SLC12A5: variants seen among roughly 807,000 people sequenced by gnomAD.
SLC12A5 encodes solute carrier family 12 member 5.
In SLC12A5, 18 loss-of-function variants were observed where a neutral mutation model predicts 124.0. That is an observed-to-expected ratio of 0.15 (90% CI 0.10 to 0.22). The LOEUF (loss-of-function observed/expected upper bound fraction) is 0.22. SLC12A5 is among the 10% of genes least tolerant of loss of function. The pLI, the probability that SLC12A5 is intolerant of heterozygous loss-of-function variation, is 1.00. For missense variants in SLC12A5, 867 were observed against 1,478.7 expected, an observed-to-expected ratio of 0.59 and a Z score of 6.78; for synonymous variants, 589 against 568.0, an observed-to-expected ratio of 1.04 and a Z score of -0.53.
At chr20:46,051,933 C>G (rs2084650604) in intron 18 of SLC12A5, 63 bp downstream of exon 18, 1 of 1,334,298 alleles carries the variant, frequency 7.5e-7, no homozygotes, top group Admixed American at 2.6e-5. Context: ...AGGGGTGGAA[C>G]TGGATTTCCG....
In SLC12A5 at chr20:46,057,368, T is replaced by C; in HGVS notation, c.3259+65T>C. 1 of 1,611,622 alleles carries C rather than the reference T, an allele frequency of 6.2e-7. No homozygotes were observed. Among genetic ancestry groups the C allele is most frequent in the Non-Finnish European group, 8.5e-7 (1 of 1,177,788 alleles). On this transcript the variant is annotated intron_variant, in intron 25 of 25. Coordinates refer to ENST00000243964, the MANE Select transcript of SLC12A5 (RefSeq NM_020708.5). This position sits in a 1 kb window ranked among gnomAD's most constrained non-coding sequence, Gnocchi z 7.1. Reference sequence around the variant, plus strand: ...CGTCAGGGAATCTGGGTCCTGTCCCTGGGATGGAAGAGCTGAGCTGTTCCT... The same window carrying C: ...CGTCAGGGAATCTGGGTCCTGTCCCCGGGATGGAAGAGCTGAGCTGTTCCT...
intron 1 of SLC12A5, chr20:46,022,570 G>C: frequency 2.9e-6 from 1 of 345,830 alleles, no homozygotes; most frequent in Non-Finnish European, 5.2e-6. Flanking sequence ...GGAGACGGGA[G>C]GCAGGGAAGT....
upstream of SLC12A5, among the ~76,000 whole-genome samples, chr20:46,028,135 G>A (rs116296454): frequency 2.6e-3 from 401 of 152,310 alleles, 5 homozygotes; most frequent in African/African-American, 9.4e-3. Context: ...GCTTCTGGGG[G>A]ATTGGCCTAA....
At chr20:46,046,159 C>T (rs1378915206) in intron 13 of SLC12A5, among the ~76,000 whole-genome samples, 163 bp downstream of exon 13, 11 of 152,242 alleles carry the variant, frequency 7.2e-5, no homozygotes, top group East Asian at 1.9e-4. Flanking sequence ...TTCATCCACA[C>T]GTGTTATTAG....
In SLC12A5 at chr20:46,058,415, G is replaced by A. The variant is rs558132074; in HGVS notation, c.*810G>A. On this transcript the variant is annotated 3_prime_UTR_variant, in exon 26 of 26. Transcript: ENST00000243964. This position sits in a 1 kb window ranked among gnomAD's most constrained non-coding sequence, Gnocchi z 5.8. ...CTCCAGTCCTTTTCCGAGATGAGGT[G>A]AGACAAGGGTCCAACTTTTCCTGGA... The A allele has an allele frequency of 5.0e-6, 2 of 398,834 alleles. No homozygotes were observed. Among genetic ancestry groups the A allele is most frequent in the African/African-American group, 4.1e-5 (2 of 48,626 alleles). The allele number at this position is 398,834 out of a possible 1,614,324, so 24.7% of individuals were successfully genotyped here.
intron 2 of SLC12A5, 145 bp downstream of exon 2, chr20:46,035,187 C>T (rs960805948): frequency 9.9e-7 from 1 of 1,012,090 alleles, no homozygotes; most frequent in East Asian, 2.4e-5. Context: ...CCCCATCCCT[C>T]CTTCTCCCTC....
chr20:46,058,504 C>G lies in SLC12A5; in HGVS notation c.*899C>G, dbSNP rs2084718132. 2 of 399,062 alleles carry G rather than the reference C, an allele frequency of 5.0e-6. No homozygotes were observed. The highest frequency in any genetic ancestry group is 4.1e-5 in the African/African-American group (2 of 48,630). 24.7% of individuals were successfully genotyped at this position (399,062 alleles called of 1,614,324 possible). ...AGAGACGCGAGCAACCTCTTCTCATCGGCTCTTATGCAAGTTGGGGCCAGG... is the reference window on the plus strand; with the variant it reads ...AGAGACGCGAGCAACCTCTTCTCATGGGCTCTTATGCAAGTTGGGGCCAGG... On this transcript the variant is annotated 3_prime_UTR_variant, in exon 26 of 26. Coordinates refer to ENST00000243964, the MANE Select transcript of SLC12A5 (RefSeq NM_020708.5). The surrounding 1 kb of genome is among the most constrained non-coding windows in gnomAD (Gnocchi z 5.8).
chr20:46,029,854 G>A (rs912905932), intron 1 of SLC12A5, among the ~76,000 whole-genome samples: 4 of 133,418 alleles, frequency 3.0e-5, no homozygotes, highest in African/African-American at 1.2e-4. Context: ...GGGGGAAGAG[G>A]TGGCTGTGTG....
Position 46,058,703 on chromosome 20 carries a change from G to T in SLC12A5, c.*1098G>T. On this transcript the variant is annotated 3_prime_UTR_variant, in exon 26 of 26. Transcript: ENST00000243964. The surrounding 1 kb of genome is among the most constrained non-coding windows in gnomAD (Gnocchi z 5.8). Reference sequence around the variant, plus strand: ...GACTGAAATTGTGGAGCTGGAGGGCGCCCCCTCCCCGGAGTTTCCTCCCTG... The same window carrying T: ...GACTGAAATTGTGGAGCTGGAGGGCTCCCCCTCCCCGGAGTTTCCTCCCTG... 2.5e-6 allele frequency: 1 copy of T among 399,044 alleles called. No homozygotes were observed. Among genetic ancestry groups the T allele is most frequent in the Non-Finnish European group, 4.4e-6 (1 of 226,100 alleles). The allele number at this position is 399,044 out of a possible 1,614,324, so 24.7% of individuals were successfully genotyped here.
At chr20:46,041,234 C>T (rs2084544230) in intron 7 of SLC12A5, 95 bp from the exon 8 acceptor site, 3 of 1,006,350 alleles carry the variant, frequency 3.0e-6, no homozygotes, top group Non-Finnish European at 3.0e-6. Context: ...GGGGACCTGG[C>T]GTCCGTGTGT....
At chr20:46,026,065 C>A (rs954516937), upstream of SLC12A5, among the ~76,000 whole-genome samples, 64 of 152,324 alleles carry the variant, frequency 4.2e-4, no homozygotes, top group African/African-American at 1.4e-3. Context: ...GGGTTCTAGT[C>A]CCTAGTCTGT....
chr20:46,052,924 TC>T (rs1285429270), intron 18 of SLC12A5, 32 bp from the exon 19 acceptor site: 1 of 1,576,438 alleles, frequency 6.3e-7, no homozygotes, highest in Admixed American at 1.7e-5. Context: ...AGTCACTGTT[TC>T]CCCCTCTGGC....
chr20:46,046,003 G>T lies in SLC12A5; in HGVS notation c.1688+7G>T. On this transcript the variant is annotated splice_region_variant and intron_variant, in intron 13 of 25. Coordinates refer to ENST00000243964, the MANE Select transcript of SLC12A5 (RefSeq NM_020708.5). ...TGGCCCCCATCCTCTCTATGTGCGTGCCTGACTTCTTGCCCTCCCCCCTGG... is the reference window on the plus strand; with the variant it reads ...TGGCCCCCATCCTCTCTATGTGCGTTCCTGACTTCTTGCCCTCCCCCCTGG... 1 of 1,612,382 alleles carries T rather than the reference G, an allele frequency of 6.2e-7. No individual in the cohort carries two copies. The highest frequency in any genetic ancestry group is 8.5e-7 in the Non-Finnish European group (1 of 1,178,502).
At chr20:46,049,595 G>A in intron 16 of SLC12A5, 27 bp from the exon 17 acceptor site, 1 of 1,584,208 alleles carries the variant, frequency 6.3e-7, no homozygotes, top group South Asian at 1.2e-5. Flanking sequence ...ATGGTATATG[G>A]ATTATGTGAC....
At chr20:46,022,202 A>G (rs2084362021) in intron 1 of SLC12A5, 1 of 266,050 alleles carries the variant, frequency 3.8e-6, no homozygotes, top group Non-Finnish European at 7.2e-6. Flanking sequence ...GGTGGAGAGT[A>G]GGCCGTAGGG....
chr20:46,053,135 T>A lies in SLC12A5; in HGVS notation c.2547+9T>A. On this transcript the variant is annotated intron_variant, in intron 19 of 25. Transcript: ENST00000243964. The surrounding 1 kb of genome is among the most constrained non-coding windows in gnomAD (Gnocchi z 4.7). ...TGCTGCGGCACCACAAGGTGAGTTG[T>A]GTGCGTGAGTGTATGCACGTGTGAG... 1.2e-6 allele frequency: 2 copies of A among 1,605,208 alleles called. No homozygotes were observed. Among genetic ancestry groups the A allele is most frequent in the South Asian group, 2.2e-5 (2 of 90,908 alleles).
intron 7 of SLC12A5, 106 bp from the exon 8 acceptor site, chr20:46,041,223 T>C: frequency 1.1e-6 from 1 of 902,670 alleles, no homozygotes; most frequent in Non-Finnish European, 1.7e-6. Context: ...ACTCTGGATA[T>C]GGGGACCTGG....
rs984579043 is a variant in SLC12A5 at position 46,058,753 on chromosome 20, G to A, written c.*1148G>A. The A allele has an allele frequency of 4.3e-5, 17 of 398,686 alleles. No individual in the cohort carries two copies. Among genetic ancestry groups the A allele is most frequent in the Non-Finnish European group, 6.6e-5 (15 of 226,116 alleles). 24.7% of individuals were successfully genotyped at this position (398,686 alleles called of 1,614,324 possible). ...GGGACAAGTGAGGGAGGAGGGGGCC[G>A]ATTCTGGTTTAGGGGCCGGACCCAC... On this transcript the variant is annotated 3_prime_UTR_variant, in exon 26 of 26. Transcript: ENST00000243964. The surrounding 1 kb of genome is among the most constrained non-coding windows in gnomAD (Gnocchi z 5.8).
At chr20:46,049,934 T>A in intron 17 of SLC12A5, 144 bp downstream of exon 17, 1 of 1,099,292 alleles carries the variant, frequency 9.1e-7, no homozygotes, top group Non-Finnish European at 1.3e-6. Flanking sequence ...AGGAAGAGCC[T>A]AAGAGCCTAG....
Sources: gnomAD v4.1 joint callset for allele counts (sites outside exome capture counted in the v4.1 genomes callset) on GRCh38, gnomAD v4.1.1 for gene constraint, Gnocchi (gnomAD v3.1) non-coding constraint, MANE v1.5 for transcripts, NCBI Gene and HGNC (gene_info 2026-07-23, HGNC 2026-07-21) for gene names.